The following PCDHGA8 variants were observed in gnomAD, a reference collection of about 807,000 sequenced individuals.
PCDHGA8 encodes protocadherin gamma subfamily A, 8, also known as protocadherin gamma-A8.
A neutral mutation model predicts 59.2 loss-of-function variants in PCDHGA8; 45 were observed. The observed-to-expected ratio is 0.76, with a 90% CI of 0.60 to 0.98. The LOEUF is 0.98. Among genes scored for constraint, PCDHGA8 ranks in the 50% least tolerant of loss-of-function variants. The pLI, the probability that PCDHGA8 is intolerant of heterozygous loss-of-function variation, is 0.00. For synonymous variants in PCDHGA8, 531 were observed against 519.0 expected (o/e 1.02, Z -0.32); for missense variants, 1,257 against 1,196.2 (o/e 1.05, Z -0.75).
intron 1 of PCDHGA8, among the ~76,000 whole-genome samples, chr5:141,445,953 T>C (rs550111391): frequency 2.0e-4 from 31 of 152,308 alleles, no homozygotes; most frequent in Middle Eastern, 3.4e-3. Flanking sequence ...CTCTGGCTGC[T>C]ATATGGAGAA....
chr5:141,417,683 A>AAG lies in PCDHGA8; in HGVS notation c.2424+22447_2424+22448insGA, dbSNP rs201105096. 3.0e-3 allele frequency: 3,154 copies of AAG among 1,038,272 alleles called. 110 individuals carry two copies. In the East Asian group the frequency reaches 0.071, roughly 24 times the overall value. The allele number at this position is 1,038,272 out of a possible 1,614,324, so 64.3% of individuals were successfully genotyped here. The stretch of plus-strand genomic sequence containing the variant: ...GATTCCCTGCGCAGCCAACAACAGA[A>AAG]AAGAAAACCAGCTCCCACACAGAGG... On this transcript the variant is annotated intron_variant, in intron 1 of 3. Transcript: ENST00000398604.
chr5:141,474,486 C>G (rs531956129), intron 1 of PCDHGA8, among the ~76,000 whole-genome samples: 11 of 152,326 alleles, frequency 7.2e-5, no homozygotes, highest in African/African-American at 2.4e-4. Context: ...TAAATGTATT[C>G]TATCTTCTAA....
In PCDHGA8 at chr5:141,489,681, A is replaced by T; in HGVS notation, c.2425-5126A>T. ...AGATGCGCATCTCAGAATCAGCAGC[A>T]TCTGGGGCACGATTCCCACTGGACA... On this transcript the variant is annotated intron_variant, in intron 1 of 3. Transcript: ENST00000398604. This position sits in a 1 kb window ranked among gnomAD's most constrained non-coding sequence, Gnocchi z 4.5. 1 of 1,614,174 alleles carries T rather than the reference A, an allele frequency of 6.2e-7. No individual in the cohort carries two copies. The highest frequency in any genetic ancestry group is 8.5e-7 in the Non-Finnish European group (1 of 1,180,010).
rs769652961 is a variant in PCDHGA8, at chr5:141,489,435, A to G, written c.2425-5372A>G. ...CAGATCTGTTGAGCCGGCGGCTGCAATTGGGCTCTGAGGAGAATGGGCGCT... is the reference window on the plus strand; with the variant it reads ...CAGATCTGTTGAGCCGGCGGCTGCAGTTGGGCTCTGAGGAGAATGGGCGCT... On this transcript the variant is annotated intron_variant, in intron 1 of 3. Coordinates refer to ENST00000398604, the MANE Select transcript of PCDHGA8 (RefSeq NM_032088.2). This position sits in a 1 kb window ranked among gnomAD's most constrained non-coding sequence, Gnocchi z 4.5. 2 of 1,614,138 alleles carry G rather than the reference A, an allele frequency of 1.2e-6. No homozygotes were observed. The highest frequency in any genetic ancestry group is 1.7e-6 in the Non-Finnish European group (2 of 1,180,024).
chr5:141,495,449 G>T (rs1249221693), intron 2 of PCDHGA8, among the ~76,000 whole-genome samples: 1 of 152,194 alleles, frequency 6.6e-6, no homozygotes, highest in East Asian at 1.9e-4. Flanking sequence ...TACTTGTCCT[G>T]CTCTCTGTCT....
At chr5:141,450,006 CTT>C (rs1554136305) in intron 1 of PCDHGA8, among the ~76,000 whole-genome samples, 13 of 132,938 alleles carry the variant, frequency 9.8e-5, no homozygotes, top group Non-Finnish European at 7.9e-5. Flanking sequence ...TGCCATGTCT[CTT>C]TTTTTTTTTT....
At chr5:141,460,438 T>A (rs1035541143) in intron 1 of PCDHGA8, among the ~76,000 whole-genome samples, 16 of 152,172 alleles carry the variant, frequency 1.1e-4, no homozygotes, top group African/African-American at 3.1e-4. Flanking sequence ...TGGTGTGAGG[T>A]AACAATGAAG....
At chr5:141,443,054 A>G (rs1591749542) in intron 1 of PCDHGA8, among the ~76,000 whole-genome samples, 1 of 152,218 alleles carries the variant, frequency 6.6e-6, no homozygotes. Flanking sequence ...TTATTGTTCC[A>G]CTGAAGAGCG....
chr5:141,433,642 C>A (rs1457700205), intron 1 of PCDHGA8, among the ~76,000 whole-genome samples: 2 of 152,170 alleles, frequency 1.3e-5, no homozygotes, highest in South Asian at 2.1e-4. Context: ...TTGAGACCAG[C>A]CTGACCAACA....
At position 141,392,882 on chromosome 5, in the gene PCDHGA8, G is replaced by A. The variant is rs1394691115; in HGVS notation, c.69G>A (p.Leu23=). Residue 23 remains leucine, a synonymous_variant, in exon 1 of 4, where the codon CTG becomes CTA. Coordinates refer to ENST00000398604, the MANE Select transcript of PCDHGA8 (RefSeq NM_032088.2). The part of the protein sequence containing the change: ...LILLCALLGT[L]WEIGRGQIRY... ...TGCTGTGCGCGCTGCTGGGAACGCT[G>A]TGGGAAATCGGGAGGGGACAGATTC... The A allele has an allele frequency of 1.2e-6, 2 of 1,613,502 alleles. No homozygotes were observed. Among genetic ancestry groups the A allele is most frequent in the Non-Finnish European group, 1.7e-6 (2 of 1,179,868 alleles).
chr5:141,486,121 T>G lies in PCDHGA8; in HGVS notation c.2425-8686T>G. The G allele has an allele frequency of 6.2e-7, 1 of 1,614,204 alleles. No homozygotes were observed. Among genetic ancestry groups the G allele is most frequent in the Non-Finnish European group, 8.5e-7 (1 of 1,180,036 alleles). Reference sequence around the variant, plus strand: ...TAGACTTTGAGAGTGAGAATTACTATGAATTTGATGTGCGGGCTCGCGATG... The same window carrying G: ...TAGACTTTGAGAGTGAGAATTACTAGGAATTTGATGTGCGGGCTCGCGATG... On this transcript the variant is annotated intron_variant, in intron 1 of 3. Transcript: ENST00000398604. The surrounding 1 kb of genome is among the most constrained non-coding windows in gnomAD (Gnocchi z 5.0).
chr5:141,419,715 T>A, intron 1 of PCDHGA8: 5 of 1,613,288 alleles, frequency 3.1e-6, no homozygotes, highest in Non-Finnish European at 4.2e-6. Context: ...CTCTTCAGCC[T>A]GGGGCTGCGA....
rs373297942 is a variant in PCDHGA8, at chr5:141,431,494, C to T, written c.2424+36257C>T. On this transcript the variant is annotated intron_variant, in intron 1 of 3. Coordinates refer to ENST00000398604, the MANE Select transcript of PCDHGA8 (RefSeq NM_032088.2). This position sits in a 1 kb window ranked among gnomAD's most constrained non-coding sequence, Gnocchi z 4.8. ...ACAACGCACCAGCGTTTGCTCAGCC[C>T]GAGTACCGCGCGAGCGTTCCGGAGA... 107 of 1,613,838 alleles carry T rather than the reference C, an allele frequency of 6.6e-5. No homozygotes were observed. Among genetic ancestry groups the T allele is most frequent in the Middle Eastern group, 1.6e-4 (1 of 6,084 alleles).
chr5:141,422,166 T>G (rs370704205), intron 1 of PCDHGA8: 30 of 1,569,256 alleles, frequency 1.9e-5, no homozygotes, highest in Non-Finnish European at 2.5e-5. Flanking sequence ...TTGAAAAATA[T>G]AGATTCTATG....
At chr5:141,402,877 T>C in intron 1 of PCDHGA8, 3 of 1,469,748 alleles carry the variant, frequency 2.0e-6, no homozygotes, top group East Asian at 4.9e-5. Flanking sequence ...CACCATACTT[T>C]GCAGGGTGGA....
At position 141,491,919 on chromosome 5, in the gene PCDHGA8, C is replaced by A. The variant is rs1177043977; in HGVS notation, c.2425-2888C>A. 1.5e-6 allele frequency: 2 copies of A among 1,361,778 alleles called. No homozygotes were observed. Among genetic ancestry groups the A allele is most frequent in the South Asian group, 1.6e-5 (1 of 64,218 alleles). 84.4% of individuals were successfully genotyped at this position (1,361,778 alleles called of 1,614,324 possible). A position where few individuals can be genotyped will look rare whatever the true frequency, so the allele number is the denominator to read the frequency against. On this transcript the variant is annotated intron_variant, in intron 1 of 3. Coordinates refer to ENST00000398604, the MANE Select transcript of PCDHGA8 (RefSeq NM_032088.2). The surrounding 1 kb of genome is among the most constrained non-coding windows in gnomAD (Gnocchi z 6.9). ...CACCGGGGGTGGTGGCGACTGTGGGCGAGGGGAGGTGGGACCGACCCCCAC... is the reference window on the plus strand; with the variant it reads ...CACCGGGGGTGGTGGCGACTGTGGGAGAGGGGAGGTGGGACCGACCCCCAC...
At chr5:141,422,167 A>G in intron 1 of PCDHGA8, 1 of 1,562,764 alleles carries the variant, frequency 6.4e-7, no homozygotes, top group Non-Finnish European at 8.6e-7. Context: ...TGAAAAATAT[A>G]GATTCTATGA....
chr5:141,425,348 A>C (rs2096869744), intron 1 of PCDHGA8, among the ~76,000 whole-genome samples: 1 of 152,242 alleles, frequency 6.6e-6, no homozygotes, highest in Non-Finnish European at 1.5e-5. Context: ...GTTGGCTTTG[A>C]AATGTGATAT....
At position 141,490,819 on chromosome 5, in the gene PCDHGA8, C is replaced by T; in HGVS notation, c.2425-3988C>T. Reference sequence around the variant, plus strand: ...CCAGCGTACCTTTGACTATGAATTGCTGCAGATGCTGCAGATTGTGGTGGG... The same window carrying T: ...CCAGCGTACCTTTGACTATGAATTGTTGCAGATGCTGCAGATTGTGGTGGG... On this transcript the variant is annotated intron_variant, in intron 1 of 3. Transcript: ENST00000398604. This position sits in a 1 kb window ranked among gnomAD's most constrained non-coding sequence, Gnocchi z 5.4. 2 of 1,613,842 alleles carry T rather than the reference C, an allele frequency of 1.2e-6. No individual in the cohort carries two copies. Among genetic ancestry groups the T allele is most frequent in the Non-Finnish European group, 8.5e-7 (1 of 1,179,804 alleles).
Sources: allele counts gnomAD v4.1 joint callset (sites outside exome capture counted in the v4.1 genomes callset), GRCh38; gene constraint gnomAD v4.1.1; non-coding constraint Gnocchi (gnomAD v3.1); transcripts MANE v1.5; gene names NCBI Gene and HGNC (gene_info 2026-07-23, HGNC 2026-07-21).